CHL1: variants seen among roughly 807,000 people sequenced by gnomAD.
CHL1 encodes cell adhesion molecule L1 like.
CHL1 carries 96 observed loss-of-function variants against 141.9 expected under a neutral mutation model. That is an observed-to-expected ratio of 0.68 (90% CI 0.57 to 0.80). The LOEUF is 0.80. CHL1 is among the 30% of genes least tolerant of loss of function. The pLI is 0.00. For missense variants in CHL1, 1,820 were observed against 1,457.2 expected, an observed-to-expected ratio of 1.25 and a Z score of -4.05; for synonymous variants, 613 against 502.2, an observed-to-expected ratio of 1.22 and a Z score of -2.95.
chr3:278,658 T>A (rs150379380), intron 2 of CHL1, among the ~76,000 whole-genome samples: 1 of 152,208 alleles, frequency 6.6e-6, no homozygotes, highest in South Asian at 2.1e-4. Flanking sequence ...TAAATTGTAT[T>A]TGGAAACAAT....
At chr3:307,448 G>T (rs1699342173) in intron 2 of CHL1, among the ~76,000 whole-genome samples, 1 of 152,306 alleles carries the variant, frequency 6.6e-6, no homozygotes, top group South Asian at 2.1e-4. Context: ...AGGCAGATGA[G>T]ATAATATTCT....
chr3:378,035 C>G, intron 16 of CHL1, 93 bp downstream of exon 16: 1 of 1,115,410 alleles, frequency 9.0e-7, no homozygotes, highest in Non-Finnish European at 1.2e-6. Flanking sequence ...ATTCTTTGAG[C>G]CCCTGCACAT....
At chr3:393,460 G>A (rs11129766) in intron 23 of CHL1, among the ~76,000 whole-genome samples, 130,025 of 151,886 alleles carry the variant, frequency 0.86, 58,533 homozygotes, top group East Asian at 1. Flanking sequence ...ATATTGATCC[G>A]TATGTGACAT....
At chr3:354,550 T>C (rs1240111911) in intron 10 of CHL1, 90 bp from the exon 11 acceptor site, 4 of 1,438,356 alleles carry the variant, frequency 2.8e-6, no homozygotes, top group African/African-American at 2.9e-5. Context: ...GTCTGCCCTC[T>C]GCTGGTGCAA....
chr3:268,592 G>T (rs1695368508), intron 2 of CHL1, among the ~76,000 whole-genome samples: 1 of 151,982 alleles, frequency 6.6e-6, no homozygotes, highest in African/African-American at 2.4e-5. Flanking sequence ...ACTAGCTTAT[G>T]CTCTCAGTAC....
intron 15 of CHL1, 41 bp downstream of exon 15, chr3:366,156 G>A: frequency 3.8e-6 from 6 of 1,572,300 alleles, no homozygotes; most frequent in Non-Finnish European, 5.2e-6. Flanking sequence ...TTTGCTTGGG[G>A]TAAACAACTT....
chr3:273,331 G>T (rs1695804096), intron 2 of CHL1, among the ~76,000 whole-genome samples: 1 of 152,130 alleles, frequency 6.6e-6, no homozygotes, highest in South Asian at 2.1e-4. Flanking sequence ...TGCCCCACCT[G>T]GACCAAAGGA....
intron 26 of CHL1, 117 bp from the exon 27 acceptor site, chr3:401,509 G>A (rs1479215541): frequency 8.2e-6 from 5 of 610,032 alleles, no homozygotes; most frequent in Non-Finnish European, 8.5e-6. Context: ...TGCCTCACTG[G>A]TATCAAAACA....
At position 340,795 on chromosome 3, in the gene CHL1, T is replaced by G. The variant is rs1464986564; in HGVS notation, c.387T>G (p.Ser129Arg). ...CATTAAAATGATTTTTTACACCAGGTGTTCCAAAATTCCCAAAAGAAAAAA... is the reference window on the plus strand; with the variant it reads ...CATTAAAATGATTTTTTACACCAGGGGTTCCAAAATTCCCAAAAGAAAAAA... ...MSEEIEFIVP[S>R]VPKFPKEKID... Residue 129 changes from serine (S) to arginine (R), a missense_variant and splice_region_variant, in exon 6 of 28, where the codon AGT becomes AGG. Ser to Arg is a moderately radical substitution (Grantham distance 110). Transcript: ENST00000256509. The G allele has an allele frequency of 6.2e-7, 1 of 1,605,588 alleles. No individual in the cohort carries two copies. The highest frequency in any genetic ancestry group is 8.5e-7 in the Non-Finnish European group (1 of 1,174,126).
In CHL1 at chr3:319,750, A is replaced by G; in HGVS notation, c.-27A>G. ...AGGAGACATTAAGATTTTCATTCTT[A>G]CCGGGTTGTCTTCTTCCTGAAGAGC... On this transcript the variant is annotated 5_prime_UTR_variant, in exon 3 of 28. Transcript: ENST00000256509. 2.0e-6 allele frequency: 3 copies of G among 1,469,222 alleles called. No individual in the cohort carries two copies. The highest frequency in any genetic ancestry group is 2.8e-6 in the Non-Finnish European group (3 of 1,052,936). The allele number at this position is 1,469,222 out of a possible 1,614,324, so 91.0% of individuals were successfully genotyped here.
At chr3:376,410 A>G (rs766460336) in intron 15 of CHL1, 1 of 516,978 alleles carries the variant, frequency 1.9e-6, no homozygotes, top group Non-Finnish European at 3.9e-6. Flanking sequence ...GGAACACGAC[A>G]TTTTTAATAA....
intron 2 of CHL1, among the ~76,000 whole-genome samples, chr3:283,815 C>A (rs902678234): frequency 1.3e-5 from 2 of 152,128 alleles, no homozygotes; most frequent in African/African-American, 2.4e-5. Flanking sequence ...TAAAAACATC[C>A]GTGGGGGAAA....
Position 355,750 on chromosome 3 carries a change from G to A in CHL1, c.1165+979G>A, listed in dbSNP as rs183834068. Among the ~76,000 whole-genome samples, 3 of 152,216 alleles carry A rather than the reference G, an allele frequency of 2.0e-5. No homozygotes were observed. The East Asian group carries it at 5.8e-4, about 29-fold the overall frequency. ...TTTTAAACTGCAAAATGGAGATAGT[G>A]GCGGTTGGTTGTGCTTGAATGAAAA... On this transcript the variant is annotated intron_variant, in intron 11 of 27. Transcript: ENST00000256509.
At chr3:274,827 T>A (rs1026097201) in intron 2 of CHL1, among the ~76,000 whole-genome samples, 3 of 152,224 alleles carry the variant, frequency 2.0e-5, no homozygotes, top group Non-Finnish European at 4.4e-5. Context: ...ACCCAATTCC[T>A]AGTGTGCAAG....
At chr3:239,805 C>A (rs1462024827) in intron 1 of CHL1, among the ~76,000 whole-genome samples, 2 of 151,954 alleles carry the variant, frequency 1.3e-5, no homozygotes, top group African/African-American at 4.8e-5. Flanking sequence ...CCTTTGCATC[C>A]TCATAGCTTA....
At chr3:377,321 T>G (rs1335542321) in intron 15 of CHL1, among the ~76,000 whole-genome samples, 1 of 152,034 alleles carries the variant, frequency 6.6e-6, no homozygotes, top group African/African-American at 2.4e-5. Flanking sequence ...TACTTGGGAG[T>G]GGAGGGGCGG....
intron 2 of CHL1, among the ~76,000 whole-genome samples, chr3:252,361 G>GATATATATATATATATATAT (rs71058760): frequency 1.8e-5 from 1 of 54,290 alleles, no homozygotes; most frequent in Non-Finnish European, 3.3e-5. Flanking sequence ...AAAGCATCCA[G>GATATATATATATATATATAT]ATATATATAT....
intron 18 of CHL1, among the ~76,000 whole-genome samples, 155 bp from the exon 19 acceptor site, chr3:383,661 T>G (rs1707327278): frequency 6.6e-6 from 1 of 152,152 alleles, no homozygotes; most frequent in Admixed American, 6.5e-5. Flanking sequence ...ATTTAAAATC[T>G]ACCTTAAATC....
chr3:235,196 C>A (rs144809895), intron 1 of CHL1, among the ~76,000 whole-genome samples: 2 of 151,938 alleles, frequency 1.3e-5, no homozygotes, highest in South Asian at 2.1e-4. Context: ...ACTAATCTTG[C>A]GGCCATAAAG....
Sources: gnomAD v4.1 joint callset for allele counts (sites outside exome capture counted in the v4.1 genomes callset) on GRCh38, gnomAD v4.1.1 for gene constraint, MANE v1.5 for transcripts, NCBI Gene and HGNC (gene_info 2026-07-23, HGNC 2026-07-21) for gene names.